Variants in WWOX observed in about 807,000 individuals in gnomAD.
The protein encoded by WWOX is WW domain containing oxidoreductase, also known as WW domain-containing oxidoreductase.
A neutral mutation model predicts 46.2 loss-of-function variants in WWOX; 69 were observed. The ratio of observed to expected loss-of-function variants is 1.49; its 90% CI spans 1.23 to 1.82. The LOEUF (loss-of-function observed/expected upper bound fraction) is 1.82. WWOX is among the 40% of genes most tolerant of loss of function. The probability of loss-of-function intolerance (pLI) is 0.00; values close to 1 mark genes in which losing one functional copy is unlikely to be tolerated. For missense variants in WWOX, 919 were observed against 542.6 expected (o/e 1.69, Z -6.89); for synonymous variants, 359 against 202.6 (o/e 1.77, Z -6.56).
chr16:78,189,364 C>G (rs2035809699), intron 5 of WWOX, among the ~76,000 whole-genome samples: 1 of 152,194 alleles, frequency 6.6e-6, no homozygotes, highest in African/African-American at 2.4e-5. Flanking sequence ...CACTTTGGTG[C>G]TCTGATGATG....
chr16:78,212,979 C>T (rs1229679806), intron 5 of WWOX, among the ~76,000 whole-genome samples: 1 of 152,058 alleles, frequency 6.6e-6, no homozygotes, highest in Non-Finnish European at 1.5e-5. Flanking sequence ...ATGGATCTGG[C>T]TGGGCCCGAT....
chr16:78,532,918 G>A (rs565408339), intron 8 of WWOX, among the ~76,000 whole-genome samples: 237 of 152,256 alleles, frequency 1.6e-3, no homozygotes, highest in Non-Finnish European at 2.4e-3. Flanking sequence ...ACTCTAAGCA[G>A]CCTTAAAGGA....
chr16:78,358,632 T>C (rs1199077235), intron 5 of WWOX, among the ~76,000 whole-genome samples: 1 of 152,034 alleles, frequency 6.6e-6, no homozygotes, highest in African/African-American at 2.4e-5. Context: ...CACTCCAGCC[T>C]GAGCAACAGA....
chr16:78,734,984 G>A (rs1239171057), intron 8 of WWOX, among the ~76,000 whole-genome samples: 1 of 148,368 alleles, frequency 6.7e-6, no homozygotes, highest in African/African-American at 2.5e-5. Flanking sequence ...TCCTGCCTCA[G>A]CCTTCCCGAG....
chr16:78,696,693 G>A (rs1021606884), intron 8 of WWOX, among the ~76,000 whole-genome samples: 10 of 151,882 alleles, frequency 6.6e-5, no homozygotes, highest in Non-Finnish European at 1.3e-4. Context: ...TTTGGGGGGG[G>A]TACAGGTGGT....
chr16:78,357,212 C>T (rs995810721), intron 5 of WWOX, among the ~76,000 whole-genome samples: 2 of 152,124 alleles, frequency 1.3e-5, no homozygotes, highest in South Asian at 2.1e-4. Flanking sequence ...ATATGAGTTG[C>T]TAGCTGGGTT....
chr16:78,447,552 A>C (rs938638699), intron 8 of WWOX, among the ~76,000 whole-genome samples: 9 of 152,228 alleles, frequency 5.9e-5, no homozygotes, highest in Admixed American at 1.3e-4. Flanking sequence ...CACTTAGGTA[A>C]ATATCCGCAT....
intron 8 of WWOX, among the ~76,000 whole-genome samples, chr16:78,761,657 C>A (rs753603107): frequency 2.0e-5 from 3 of 151,984 alleles, no homozygotes; most frequent in Non-Finnish European, 4.4e-5. Context: ...CTGGGCCACC[C>A]GGTTGAGTCT....
intron 8 of WWOX, among the ~76,000 whole-genome samples, chr16:79,055,787 CCAAA>C (rs1290315429): frequency 2.0e-5 from 3 of 152,100 alleles, no homozygotes; most frequent in Non-Finnish European, 4.4e-5. Flanking sequence ...TATGTAGCAA[CCAAA>C]CAGTTTCTTC....
At chr16:78,141,454 C>G (rs1398558970) in intron 4 of WWOX, among the ~76,000 whole-genome samples, 2 of 111,742 alleles carry the variant, frequency 1.8e-5, no homozygotes, top group East Asian at 6.0e-4. Context: ...TTTTTTGCAT[C>G]CTGTACTCCT....
At chr16:78,940,893 T>C (rs1325625008) in intron 8 of WWOX, among the ~76,000 whole-genome samples, 1 of 152,114 alleles carries the variant, frequency 6.6e-6, no homozygotes. Context: ...TCAGTCACTC[T>C]TCATGTCTAT....
chr16:78,643,413 G>A (rs2046767056), intron 8 of WWOX, among the ~76,000 whole-genome samples: 1 of 152,058 alleles, frequency 6.6e-6, no homozygotes, highest in Non-Finnish European at 1.5e-5. Flanking sequence ...ACAGTGCCGG[G>A]GCTTGAACCC....
chr16:78,903,074 G>T lies in WWOX; in HGVS notation c.1057-308534G>T, dbSNP rs564281669. ...GAAGAATGAAGCAACAAAAGCTGAG[G>T]TTTATTGAAAGCAAAACTACACTCC... On this transcript the variant is annotated intron_variant, in intron 8 of 8. Coordinates refer to ENST00000566780, the MANE Select transcript of WWOX (RefSeq NM_016373.4). 1.2e-4 allele frequency among the ~76,000 whole-genome samples: 19 copies of T among 152,312 alleles called. No individual in the cohort carries two copies. The South Asian group carries it at 3.7e-3, about 30-fold the overall frequency.
At position 79,020,734 on chromosome 16, in the gene WWOX, G is replaced by C. The variant is rs16949248; in HGVS notation, c.1057-190874G>C. Among the ~76,000 whole-genome samples the C allele has an allele frequency of 3.3e-3, 510 of 152,274 alleles. 2 individuals carry two copies. The highest frequency in any genetic ancestry group is 0.012 in the African/African-American group (498 of 41,556). Reference sequence around the variant, plus strand: ...GCTCTGTACAGATGCAAGGGGAAGGGTGTTGATGTCAACACGCATGCAGCT... The same window carrying C: ...GCTCTGTACAGATGCAAGGGGAAGGCTGTTGATGTCAACACGCATGCAGCT... On this transcript the variant is annotated intron_variant, in intron 8 of 8. Transcript: ENST00000566780.
intron 8 of WWOX, among the ~76,000 whole-genome samples, chr16:79,086,044 C>T (rs1156592414): frequency 5.4e-5 from 8 of 149,416 alleles, no homozygotes; most frequent in East Asian, 2.0e-4. Context: ...TGCACTTCAA[C>T]GTGGGCAACA....
At chr16:78,419,530 T>C (rs970462628) in intron 6 of WWOX, among the ~76,000 whole-genome samples, 14 of 147,074 alleles carry the variant, frequency 9.5e-5, no homozygotes, top group South Asian at 4.3e-4. Flanking sequence ...CAATTCAAAA[T>C]AGTCTTTTCA....
chr16:78,902,006 A>T (rs1567637170), intron 8 of WWOX, among the ~76,000 whole-genome samples: 2 of 152,224 alleles, frequency 1.3e-5, no homozygotes, highest in African/African-American at 2.4e-5. Context: ...GAAATGGAAG[A>T]AGGGGATGAA....
intron 6 of WWOX, among the ~76,000 whole-genome samples, chr16:78,395,490 C>T (rs148739652): frequency 0.011 from 1,735 of 151,910 alleles, 30 homozygotes; most frequent in South Asian, 0.049. Flanking sequence ...CCAGCCTGGG[C>T]AACAGAGCCA....
intron 8 of WWOX, among the ~76,000 whole-genome samples, chr16:78,434,432 G>A (rs2083292731): frequency 1.3e-5 from 2 of 152,186 alleles, no homozygotes; most frequent in Admixed American, 1.3e-4. Context: ...CTCATACTTT[G>A]TTGTGTCCTT....
Sources: gnomAD v4.1 joint callset for allele counts (sites outside exome capture counted in the v4.1 genomes callset) on GRCh38, gnomAD v4.1.1 for gene constraint, MANE v1.5 for transcripts, NCBI Gene and HGNC (gene_info 2026-07-23, HGNC 2026-07-21) for gene names.